FRAT2: variants seen among roughly 807,000 people sequenced by gnomAD.
FRAT2 encodes the protein FRAT regulator of Wnt signaling pathway 2, also known as GSK-3-binding protein FRAT2.
For missense variants in FRAT2, 326 were observed against 340.8 expected (o/e 0.96, Z 0.34); for synonymous variants, 205 against 171.5 (o/e 1.20, Z -1.53).
At position 97,333,863 on chromosome 10, in the gene FRAT2, G is replaced by T; in HGVS notation, c.*8C>A. 6.7e-7 allele frequency: 1 copy of T among 1,497,410 alleles called. No homozygotes were observed. Among genetic ancestry groups the T allele is most frequent in the Non-Finnish European group, 8.9e-7 (1 of 1,126,432 alleles). 92.8% of individuals were successfully genotyped at this position (1,497,410 alleles called of 1,614,324 possible). Reference sequence around the variant, plus strand: ...GCGGCCTCCACTTCCTCCTCCAGGAGGCCTGCGTCAGAGCAAGGAGCCTGA... The same window carrying T: ...GCGGCCTCCACTTCCTCCTCCAGGATGCCTGCGTCAGAGCAAGGAGCCTGA... On this transcript the variant is annotated 3_prime_UTR_variant, in exon 1 of 1. Coordinates refer to ENST00000371019, the MANE Select transcript of FRAT2 (RefSeq NM_012083.3).
rs1345234103 is a variant in FRAT2, at chr10:97,334,648, C to CGAAGCCGGAGCAGGGGCGGACGCG, written c.-100_-77dup. ...TTGCCCGCGGGCGCGGAGCTGCGGG[C>CGAAGCCGGAGCAGGGGCGGACGCG]GAAGCCGGAGCAGGGGCGGACGCGG... On this transcript the variant is annotated 5_prime_UTR_variant, in exon 1 of 1. Coordinates refer to ENST00000371019, the MANE Select transcript of FRAT2 (RefSeq NM_012083.3). 2.1e-5 allele frequency: 27 copies of CGAAGCCGGAGCAGGGGCGGACGCG among 1,296,428 alleles called. No individual in the cohort carries two copies. The highest frequency in any genetic ancestry group is 2.6e-5 in the Non-Finnish European group (26 of 1,019,324). 80.3% of individuals were successfully genotyped at this position (1,296,428 alleles called of 1,614,324 possible).
Position 97,334,668 on chromosome 10 carries a change from A to G in FRAT2, c.-96T>C. 1 of 1,273,098 alleles carries G rather than the reference A, an allele frequency of 7.9e-7. No individual in the cohort carries two copies. 78.9% of individuals were successfully genotyped at this position (1,273,098 alleles called of 1,614,324 possible). A position where few individuals can be genotyped will look rare whatever the true frequency, so the allele number is the denominator to read the frequency against. ...GCGGGCGAAGCCGGAGCAGGGGCGG[A>G]CGCGGAAGCCGGAGCCCGCCAGGCA... On this transcript the variant is annotated 5_prime_UTR_variant, in exon 1 of 1. Coordinates refer to ENST00000371019, the MANE Select transcript of FRAT2 (RefSeq NM_012083.3).
In FRAT2 at chr10:97,334,230, G is replaced by A. The variant is rs1843554841; in HGVS notation, c.343C>T (p.Leu115=). 1.6e-6 allele frequency: 2 copies of A among 1,235,988 alleles called. No homozygotes were observed. The highest frequency in any genetic ancestry group is 2.0e-6 in the Non-Finnish European group (2 of 992,226). The allele number at this position is 1,235,988 out of a possible 1,614,324, so 76.6% of individuals were successfully genotyped here. A position where few individuals can be genotyped will look rare whatever the true frequency, so the allele number is the denominator to read the frequency against. The part of the protein sequence containing the change: ...PAPSGALRCA[L]GDRGRVRGRA... ...CCGCGCACGCGGCCGCGGTCCCCTA[G>A]GGCGCAGCGCAGGGCCCCAGAGGGC... The change falls in exon 1 of 1, where the codon CTA becomes TTA. Residue 115 remains leucine, a synonymous_variant. Coordinates refer to ENST00000371019, the MANE Select transcript of FRAT2 (RefSeq NM_012083.3).
Sources: allele counts gnomAD v4.1 joint callset, GRCh38; gene constraint gnomAD v4.1.1; transcripts MANE v1.5; gene names NCBI Gene and HGNC (gene_info 2026-07-23, HGNC 2026-07-21).